Variants in C8orf34 observed in about 807,000 individuals in gnomAD.
C8orf34 encodes chromosome 8 open reading frame 34.
Under a neutral mutation model 68.3 loss-of-function variants are expected in C8orf34, and 65 were observed. That is an observed-to-expected ratio of 0.95 (90% confidence interval 0.78 to 1.17). The LOEUF (loss-of-function observed/expected upper bound fraction) is 1.17. C8orf34 is among the 50% of genes most tolerant of loss of function. The pLI is 0.00. For missense variants in C8orf34, 664 were observed against 655.4 expected, an observed-to-expected ratio of 1.01 and a Z score of -0.14; for synonymous variants, 244 against 241.2, an observed-to-expected ratio of 1.01 and a Z score of -0.11.
intron 8 of C8orf34, among the ~76,000 whole-genome samples, chr8:68,670,112 G>C (rs1012482450): frequency 1.3e-5 from 2 of 152,162 alleles, no homozygotes; most frequent in Non-Finnish European, 2.9e-5. Context: ...TGATAGGTTA[G>C]ATCCCTAGAT....
At chr8:68,726,109 A>C (rs1366754556) in intron 10 of C8orf34, among the ~76,000 whole-genome samples, 1 of 152,024 alleles carries the variant, frequency 6.6e-6, no homozygotes, top group Non-Finnish European at 1.5e-5. Context: ...AGGTTTCACC[A>C]TGTTGGTCAG....
chr8:68,378,645 T>A (rs1357161918), intron 1 of C8orf34, among the ~76,000 whole-genome samples: 1 of 152,260 alleles, frequency 6.6e-6, no homozygotes, highest in East Asian at 1.9e-4. Flanking sequence ...AATAACCAAG[T>A]CCTTGGTGAT....
At chr8:68,566,099 C>T (rs1277077879) in intron 7 of C8orf34, among the ~76,000 whole-genome samples, 1 of 152,066 alleles carries the variant, frequency 6.6e-6, no homozygotes, top group Non-Finnish European at 1.5e-5. Flanking sequence ...ATTATACATC[C>T]ATGGTTAATT....
At chr8:68,432,057 A>G (rs1810473414) in intron 1 of C8orf34, among the ~76,000 whole-genome samples, 1 of 151,938 alleles carries the variant, frequency 6.6e-6, no homozygotes, top group Non-Finnish European at 1.5e-5. Flanking sequence ...AAAAGATCTT[A>G]CTCCTGAGGC....
At chr8:68,486,497 AT>A (rs1322128771) in intron 4 of C8orf34, among the ~76,000 whole-genome samples, 6 of 152,180 alleles carry the variant, frequency 3.9e-5, no homozygotes, top group African/African-American at 9.7e-5. Flanking sequence ...CAAAAAAAGA[AT>A]TTTATAAAAT....
chr8:68,790,906 A>G (rs1378146658), intron 12 of C8orf34: 1 of 698,812 alleles, frequency 1.4e-6, no homozygotes, highest in Non-Finnish European at 2.6e-6. Context: ...GTTGAGAACT[A>G]GAAGAAAAAT....
At chr8:68,369,103 A>T (rs1401482242) in intron 1 of C8orf34, among the ~76,000 whole-genome samples, 2 of 152,190 alleles carry the variant, frequency 1.3e-5, no homozygotes, top group African/African-American at 4.8e-5. Context: ...TTTGGTTCAG[A>T]TTCAAAAGCA....
chr8:68,477,187 C>T (rs1812656094), intron 4 of C8orf34, among the ~76,000 whole-genome samples: 1 of 152,064 alleles, frequency 6.6e-6, no homozygotes, highest in African/African-American at 2.4e-5. Context: ...AAGGGTGAAG[C>T]AAATAATAAA....
At chr8:68,464,549 A>G (rs1424710115) in intron 3 of C8orf34, among the ~76,000 whole-genome samples, 1 of 152,128 alleles carries the variant, frequency 6.6e-6, no homozygotes, top group Non-Finnish European at 1.5e-5. Context: ...ACTTCAAACT[A>G]TACTACAAGC....
At chr8:68,746,328 A>G (rs1333811199) in intron 10 of C8orf34, among the ~76,000 whole-genome samples, 12 of 24 alleles carry the variant, frequency 0.5, 1 homozygote, top group African/African-American at 0.5. Flanking sequence ...TAAAAGAACT[A>G]GAAAAGCAGA....
intron 7 of C8orf34, among the ~76,000 whole-genome samples, chr8:68,558,000 T>C (rs888541891): frequency 1.3e-5 from 2 of 152,174 alleles, no homozygotes; most frequent in African/African-American, 2.4e-5. Flanking sequence ...TGGCCAAAAA[T>C]GCCTTTATAA....
At chr8:68,361,835 A>G (rs1426544565) in intron 1 of C8orf34, among the ~76,000 whole-genome samples, 1 of 152,236 alleles carries the variant, frequency 6.6e-6, no homozygotes, top group East Asian at 1.9e-4. Context: ...ACTGTGAAAT[A>G]ATTTTTGTTT....
At chr8:68,555,254 C>G (rs996090748) in intron 7 of C8orf34, among the ~76,000 whole-genome samples, 16 of 152,118 alleles carry the variant, frequency 1.1e-4, no homozygotes, top group Admixed American at 3.9e-4. Context: ...TTTAGCTTCT[C>G]TCTTAGTTTC....
At chr8:68,412,502 C>G (rs1163024068) in intron 1 of C8orf34, among the ~76,000 whole-genome samples, 1 of 152,054 alleles carries the variant, frequency 6.6e-6, no homozygotes, top group Non-Finnish European at 1.5e-5. Flanking sequence ...TTTTACTTTT[C>G]TCTACAGGCT....
intron 1 of C8orf34, among the ~76,000 whole-genome samples, chr8:68,376,589 T>C (rs1237989673): frequency 6.6e-6 from 1 of 152,080 alleles, no homozygotes; most frequent in Admixed American, 6.6e-5. Context: ...CCTTTTCTTT[T>C]ATGTTCTGTG....
chr8:68,377,562 C>A (rs1807856964), intron 1 of C8orf34, among the ~76,000 whole-genome samples: 1 of 152,212 alleles, frequency 6.6e-6, no homozygotes, highest in Admixed American at 6.5e-5. Context: ...CTGCTACTCT[C>A]AGTAATATCA....
At chr8:68,344,797 G>C (rs1336425716) in intron 1 of C8orf34, among the ~76,000 whole-genome samples, 1 of 152,060 alleles carries the variant, frequency 6.6e-6, no homozygotes, top group Non-Finnish European at 1.5e-5. Flanking sequence ...AAAAATCTAA[G>C]AGCAAAATAT....
chr8:68,613,943 C>T (rs974738831), intron 7 of C8orf34, among the ~76,000 whole-genome samples: 11 of 152,148 alleles, frequency 7.2e-5, no homozygotes, highest in Non-Finnish European at 1.5e-5. Context: ...ACATCCTCTC[C>T]AGCACCTGTT....
chr8:68,355,024 A>G (rs1203876738), intron 1 of C8orf34, among the ~76,000 whole-genome samples: 2 of 152,184 alleles, frequency 1.3e-5, no homozygotes, highest in Admixed American at 6.6e-5. Context: ...AGCAAATAGC[A>G]TCTTAATATT....
Sources: allele counts gnomAD v4.1 joint callset (sites outside exome capture counted in the v4.1 genomes callset), GRCh38; gene constraint gnomAD v4.1.1; transcripts MANE v1.5; gene names NCBI Gene and HGNC (gene_info 2026-07-23, HGNC 2026-07-21).